Variants in MYRF observed in about 807,000 individuals in gnomAD.
MYRF encodes the protein myelin regulatory factor, also known as myelin gene regulatory factor.
A neutral mutation model predicts 126.3 loss-of-function variants in MYRF; 16 were observed. That is an observed-to-expected ratio of 0.13 (90% CI 0.09 to 0.19). MYRF has a LOEUF of 0.19. MYRF is among the 10% of genes least tolerant of loss of function. The pLI is 1.00. For synonymous variants in MYRF, 608 were observed against 635.3 expected, an observed-to-expected ratio of 0.96 and a Z score of 0.65; for missense variants, 1,104 against 1,547.0, an observed-to-expected ratio of 0.71 and a Z score of 4.80.
intron 3 of MYRF, 57 bp from the exon 4 acceptor site, chr11:61,769,199 CCCAG>C: frequency 9.9e-7 from 1 of 1,006,512 alleles, no homozygotes; most frequent in East Asian, 2.6e-5. Flanking sequence ...AGAGAAGCTG[CCCAG>C]CTGGAAGGCA....
At chr11:61,779,059 T>C in intron 14 of MYRF, 1 of 647,748 alleles carries the variant, frequency 1.5e-6, no homozygotes, top group Non-Finnish European at 2.8e-6. Context: ...GAGGTGGAGG[T>C]GTTGCTCGGA....
At chr11:61,772,391 C>T (rs2066251646) in intron 7 of MYRF, among the ~76,000 whole-genome samples, 1 of 152,230 alleles carries the variant, frequency 6.6e-6, no homozygotes, top group African/African-American at 2.4e-5. Context: ...CCAGATGGCT[C>T]CATCTTTCCA....
At chr11:61,753,368 A>G (rs960031938) in intron 1 of MYRF, among the ~76,000 whole-genome samples, 2 of 151,600 alleles carry the variant, frequency 1.3e-5, no homozygotes, top group African/African-American at 4.9e-5. Flanking sequence ...GGGTAGGACC[A>G]CTTTCGAGCC....
rs865859179 is a variant in MYRF, at chr11:61,753,440, T to C, written c.46+650T>C. On this transcript the variant is annotated intron_variant, in intron 1 of 26. Coordinates refer to ENST00000278836, the MANE Select transcript of MYRF (RefSeq NM_001127392.3). Reference sequence around the variant, plus strand: ...TGCTGCCTAGTGACTGCTCTCCTGTTTGGGGCTGGGACCCCCCTCCCTAGC... The same window carrying C: ...TGCTGCCTAGTGACTGCTCTCCTGTCTGGGGCTGGGACCCCCCTCCCTAGC... 4.6e-5 allele frequency among the ~76,000 whole-genome samples: 7 copies of C among 151,892 alleles called. No individual in the cohort carries two copies. In the South Asian group the frequency reaches 1.3e-3, roughly 27 times the overall value.
chr11:61,772,641 G>A (rs918493076), intron 7 of MYRF, among the ~76,000 whole-genome samples: 7 of 152,356 alleles, frequency 4.6e-5, no homozygotes, highest in South Asian at 2.1e-4. Flanking sequence ...GGGTGCAGTC[G>A]TATGGCACTC....
intron 5 of MYRF, 98 bp downstream of exon 5, chr11:61,770,623 G>A (rs2066192704): frequency 3.2e-6 from 4 of 1,231,220 alleles, no homozygotes; most frequent in South Asian, 3.1e-5. Flanking sequence ...GGTAGGGACC[G>A]GGATGCACCC....
intron 1 of MYRF, among the ~76,000 whole-genome samples, chr11:61,761,269 G>C (rs539103082): frequency 3.4e-5 from 5 of 145,344 alleles, no homozygotes; most frequent in Non-Finnish European, 7.8e-5. Context: ...TGGGGGGGGG[G>C]GCACATAAGC....
intron 1 of MYRF, among the ~76,000 whole-genome samples, chr11:61,763,521 G>A (rs72920148): frequency 3.9e-5 from 6 of 152,358 alleles, no homozygotes; most frequent in Non-Finnish European, 8.8e-5. Flanking sequence ...GGAGGATTGA[G>A]TAACACACCG....
intron 1 of MYRF, among the ~76,000 whole-genome samples, chr11:61,758,145 C>T (rs1026114845): frequency 6.6e-6 from 1 of 152,060 alleles, no homozygotes; most frequent in Non-Finnish European, 1.5e-5. Context: ...TCCGGAGCCC[C>T]CTGCCGGCCT....
At position 61,776,176 on chromosome 11, in the gene MYRF, CA is replaced by C. The variant is rs2066376791; in HGVS notation, c.1388+46del. 6.2e-7 allele frequency: 1 copy of C among 1,606,904 alleles called. No homozygotes were observed. ...TGGGGGTGGTACCTAGAAGGGTCCACAACTAAAGCTGGCTTGGGAATGGAGG... is the reference window on the plus strand; with the variant it reads ...TGGGGGTGGTACCTAGAAGGGTCCACACTAAAGCTGGCTTGGGAATGGAGG... On this transcript the variant is annotated intron_variant, in intron 9 of 26. Transcript: ENST00000278836. This position sits in a 1 kb window ranked among gnomAD's most constrained non-coding sequence, Gnocchi z 4.3.
In MYRF at chr11:61,777,696, C is replaced by G. The variant is rs745626430; in HGVS notation, c.1792-38C>G. The G allele has an allele frequency of 1.2e-5, 18 of 1,532,328 alleles. No homozygotes were observed. The South Asian group carries it at 2.2e-4, about 18-fold the overall frequency. The allele number at this position is 1,532,328 out of a possible 1,614,324, so 94.9% of individuals were successfully genotyped here. ...GCTCCGGGGCCTGCTCCGGGACGGC[C>G]GCAGGAGGGGTTCATTCCCGGGCCT... On this transcript the variant is annotated intron_variant, in intron 12 of 26. Coordinates refer to ENST00000278836, the MANE Select transcript of MYRF (RefSeq NM_001127392.3). The surrounding 1 kb of genome is among the most constrained non-coding windows in gnomAD (Gnocchi z 8.8).
intron 22 of MYRF, 81 bp downstream of exon 22, chr11:61,781,905 ACTGT>A (rs1192385799): frequency 2.8e-6 from 4 of 1,435,246 alleles, no homozygotes; most frequent in Middle Eastern, 2.5e-4. Context: ...CAGTCATGTG[ACTGT>A]CTGGGTTCAG....
chr11:61,772,804 G>A (rs1479813256), intron 7 of MYRF, among the ~76,000 whole-genome samples: 1 of 152,232 alleles, frequency 6.6e-6, no homozygotes, highest in Admixed American at 6.5e-5. Flanking sequence ...AGGTCAGGCA[G>A]GTGGGTGGAG....
Position 61,783,974 on chromosome 11 carries a change from A to C in MYRF, c.3194+49A>C, listed in dbSNP as rs367694499. ...GGAGGCAGGAGGGGAGCCAGGGAGA[A>C]TCTCCCGCAGAGCCTCAGAACAGCC... On this transcript the variant is annotated intron_variant, in intron 24 of 26. Transcript: ENST00000278836. This position sits in a 1 kb window ranked among gnomAD's most constrained non-coding sequence, Gnocchi z 4.6. 3.9e-3 allele frequency: 6,017 copies of C among 1,554,604 alleles called. 29 individuals are homozygous for C. The highest frequency in any genetic ancestry group is 9.3e-3 in the South Asian group (799 of 85,536).
chr11:61,769,813 C>T (rs539303748), intron 4 of MYRF, among the ~76,000 whole-genome samples: 3 of 152,126 alleles, frequency 2.0e-5, no homozygotes, highest in African/African-American at 4.8e-5. Context: ...GGGGCCTCCC[C>T]GCTCAGGCTG....
chr11:61,755,200 C>G (rs890822648), intron 1 of MYRF, among the ~76,000 whole-genome samples: 1 of 152,206 alleles, frequency 6.6e-6, no homozygotes, highest in African/African-American at 2.4e-5. Context: ...CGTGGTCCCC[C>G]TCCCTGGGCA....
intron 1 of MYRF, 85 bp from the exon 2 acceptor site, chr11:61,765,540 G>A: frequency 1.8e-6 from 2 of 1,120,410 alleles, no homozygotes; most frequent in Non-Finnish European, 2.6e-6. Flanking sequence ...GGGCCAGCCT[G>A]GGCAGGGATG....
intron 1 of MYRF, among the ~76,000 whole-genome samples, chr11:61,764,670 C>T (rs1020112894): frequency 5.9e-5 from 9 of 152,208 alleles, no homozygotes; most frequent in Non-Finnish European, 1.2e-4. Context: ...CGTCAGCCCC[C>T]TTATCACCCC....
chr11:61,756,330 C>A (rs1018456350), intron 1 of MYRF, among the ~76,000 whole-genome samples: 3 of 152,102 alleles, frequency 2.0e-5, no homozygotes, highest in African/African-American at 4.8e-5. Context: ...TGTCAGGGAC[C>A]AACATCTCTG....
Sources: allele counts gnomAD v4.1 joint callset (sites outside exome capture counted in the v4.1 genomes callset), GRCh38; gene constraint gnomAD v4.1.1; non-coding constraint Gnocchi (gnomAD v3.1); transcripts MANE v1.5; gene names NCBI Gene and HGNC (gene_info 2026-07-23, HGNC 2026-07-21).